ANK3: variants seen among roughly 807,000 people sequenced by gnomAD.
The protein encoded by ANK3 is ankyrin 3.
Under a neutral mutation model 370.9 loss-of-function variants are expected in ANK3, and 57 were observed. The ratio of observed to expected loss-of-function variants is 0.15; its 90% confidence interval spans 0.12 to 0.19. The LOEUF is 0.19. ANK3 is among the 10% of genes least tolerant of loss of function. ANK3 has a pLI of 1.00. For missense variants in ANK3, 4,439 were observed against 5,302.1 expected (o/e 0.84, Z 5.06); for synonymous variants, 1,929 against 1,946.3 (o/e 0.99, Z 0.23).
intron 18 of ANK3, among the ~76,000 whole-genome samples, chr10:60,177,798 C>T (rs1052998460): frequency 2.6e-5 from 4 of 151,896 alleles, no homozygotes; most frequent in African/African-American, 9.7e-5. Flanking sequence ...GACGGGGTTT[C>T]GCCGTGTTAG....
chr10:60,301,565 A>G (rs757312445), intron 1 of ANK3, among the ~76,000 whole-genome samples: 3 of 151,744 alleles, frequency 2.0e-5, no homozygotes, highest in Non-Finnish European at 2.9e-5. Flanking sequence ...AGGGCCCACC[A>G]CCATGTCTGG....
At chr10:60,521,168 A>T (rs988210506) in intron 2 of ANK3, among the ~76,000 whole-genome samples, 12 of 151,964 alleles carry the variant, frequency 7.9e-5, no homozygotes, top group African/African-American at 2.7e-4. Context: ...TAAAGAGGTT[A>T]TTTCTCTTCT....
At chr10:60,532,644 G>A (rs541420224) in intron 2 of ANK3, among the ~76,000 whole-genome samples, 48 of 152,140 alleles carry the variant, frequency 3.2e-4, no homozygotes, top group African/African-American at 1.1e-3. Context: ...ACTGGGGGTC[G>A]TGGTGATCAT....
chr10:60,226,240 CT>C (rs961546824), intron 8 of ANK3, among the ~76,000 whole-genome samples: 1 of 114,418 alleles, frequency 8.7e-6, no homozygotes, highest in African/African-American at 3.5e-5. Flanking sequence ...TGTATATATA[CT>C]ATATTATATA....
intron 1 of ANK3, among the ~76,000 whole-genome samples, chr10:60,650,732 T>C (rs1231385658): frequency 1.3e-5 from 2 of 152,162 alleles, no homozygotes; most frequent in East Asian, 3.8e-4. Flanking sequence ...ATCACAACTT[T>C]GTTATTCTCC....
Position 60,399,931 on chromosome 10 carries a change from A to T in ANK3, c.97-120292T>A, listed in dbSNP as rs1034603009. On this transcript the variant is annotated intron_variant, in intron 2 of 43. Coordinates refer to the ANK3 transcript ENST00000373827. ...CTGGGCATTACCGAGTGTCCGTTGCATTAGCCCTTTTCTAGATGAAAATTA... is the reference window on the plus strand; with the variant it reads ...CTGGGCATTACCGAGTGTCCGTTGCTTTAGCCCTTTTCTAGATGAAAATTA... Among the ~76,000 whole-genome samples, 19 of 152,112 alleles carry T rather than the reference A, an allele frequency of 1.2e-4. 1 individual carries two copies. The highest frequency in any genetic ancestry group is 7.2e-4 in the Admixed American group (11 of 15,260).
intron 1 of ANK3, among the ~76,000 whole-genome samples, chr10:60,299,417 C>T (rs1289206507): frequency 6.6e-6 from 1 of 152,148 alleles, no homozygotes; most frequent in East Asian, 1.9e-4. Context: ...GAACAAGCAA[C>T]AATGTCCTCA....
Position 60,055,693 on chromosome 10 carries a change from G to A in ANK3, c.13030C>T (p.His4344Tyr), listed in dbSNP as rs748449445. 14 of 1,613,032 alleles carry A rather than the reference G, an allele frequency of 8.7e-6. No homozygotes were observed. Among genetic ancestry groups the A allele is most frequent in the Admixed American group, 1.7e-5 (1 of 59,698 alleles). Residue 4344 changes from histidine to tyrosine, a missense_variant, in exon 42 of 44, where the codon CAT (histidine) becomes TAT (tyrosine). Physicochemically the swap from His to Tyr is moderately conservative, Grantham distance 83 (BLOSUM62 2). This residue lies in a region of ANK3 where 242 missense variants were observed against 228.0 expected (regional missense o/e 1.06). Transcript: ENST00000280772. ...GACCCACTGGACCCCTCTTCTTCAT[G>A]GAGGCTAAGCCTTGGCTTGCCATCT... ...PADGKPRLSL[H>Y]EEEGSSGSEQ...
intron 2 of ANK3, among the ~76,000 whole-genome samples, chr10:60,605,985 T>C (rs1033353189): frequency 6.6e-6 from 1 of 152,166 alleles, no homozygotes; most frequent in Non-Finnish European, 1.5e-5. Context: ...CTTCAAATTA[T>C]CAGTCGAAAG....
In ANK3 at chr10:60,026,756, T is replaced by C. The variant is rs758072095; in HGVS notation, c.*3090A>G. ...AGTATTGAAATAATACTGCATAGTGTATTGCCATAATTTGGCAATACAGTG... is the reference window on the plus strand; with the variant it reads ...AGTATTGAAATAATACTGCATAGTGCATTGCCATAATTTGGCAATACAGTG... On this transcript the variant is annotated 3_prime_UTR_variant, in exon 44 of 44. Coordinates refer to ENST00000280772, the MANE Select transcript of ANK3 (RefSeq NM_020987.5). 3.3e-5 allele frequency: 5 copies of C among 152,234 alleles called. No individual in the cohort carries two copies. Among genetic ancestry groups the C allele is most frequent in the African/African-American group, 4.8e-5 (2 of 41,460 alleles). The allele number at this position is 152,234 out of a possible 1,614,324, so 9.4% of individuals were successfully genotyped here. A position where few individuals can be genotyped will look rare whatever the true frequency, so the allele number is the denominator to read the frequency against.
intron 36 of ANK3, 33 bp from the exon 37 acceptor site, chr10:60,076,481 C>CA: frequency 6.6e-7 from 1 of 1,519,992 alleles, no homozygotes; most frequent in Non-Finnish European, 8.8e-7. Context: ...AAATCAAACA[C>CA]AAAAATCAAC....
At chr10:60,534,616 T>A (rs1301417537) in intron 2 of ANK3, among the ~76,000 whole-genome samples, 3 of 152,084 alleles carry the variant, frequency 2.0e-5, no homozygotes, top group Non-Finnish European at 4.4e-5. Flanking sequence ...CTAAATTTCC[T>A]CCAGGATATA....
In ANK3 at chr10:60,082,651, A is replaced by G. The variant is rs751374864; in HGVS notation, c.4287T>C (p.Val1429=). Residue 1429 remains valine (V), a synonymous_variant, in exon 34 of 44, where the codon GTT becomes GTC. Transcript: ENST00000280772. ...CTGGCAGAGTGATATTTAAGTTGCA[A>G]ACCGCTGTTTGAGGCAGTCCTTTTG... ...KTTKGLPQTA[V]CNLNITLPAH... is the part of the protein sequence containing the mutation. 5.0e-6 allele frequency: 8 copies of G among 1,614,100 alleles called. No homozygotes were observed. The East Asian group carries it at 1.3e-4, about 27-fold the overall frequency.
chr10:60,607,089 C>T (rs1454158150), intron 2 of ANK3, among the ~76,000 whole-genome samples: 2 of 152,108 alleles, frequency 1.3e-5, no homozygotes, highest in Admixed American at 6.6e-5. Context: ...TAAGAAAAGG[C>T]TTATTTAATC....
chr10:60,413,054 T>A (rs934821529), intron 2 of ANK3, among the ~76,000 whole-genome samples: 2 of 152,204 alleles, frequency 1.3e-5, no homozygotes, highest in African/African-American at 4.8e-5. Flanking sequence ...AAACCTGACT[T>A]TACAAAACTG....
At chr10:60,184,184 G>A (rs2096269133) in intron 17 of ANK3, among the ~76,000 whole-genome samples, 1 of 152,094 alleles carries the variant, frequency 6.6e-6, no homozygotes, top group South Asian at 2.1e-4. Flanking sequence ...TTATTTTTTA[G>A]CAAGGAAATA....
intron 1 of ANK3, among the ~76,000 whole-genome samples, chr10:60,343,869 G>A (rs538461501): frequency 7.2e-5 from 11 of 152,300 alleles, no homozygotes; most frequent in Admixed American, 3.3e-4. Flanking sequence ...TGGCTGATGC[G>A]GGGCTGGAGA....
At chr10:60,108,763 T>G in intron 27 of ANK3, 67 bp downstream of exon 27, 6 of 1,383,370 alleles carry the variant, frequency 4.3e-6, no homozygotes, top group Middle Eastern at 3.7e-4. Context: ...CTCCTTGAGT[T>G]AACAAGGGTA....
intron 1 of ANK3, among the ~76,000 whole-genome samples, chr10:60,726,642 T>C (rs1218292893): frequency 6.6e-6 from 1 of 152,148 alleles, no homozygotes; most frequent in African/African-American, 2.4e-5. Context: ...ATGGTTTTGT[T>C]TTTGTTTTTT....
Sources: gnomAD v4.1 joint callset for allele counts (sites outside exome capture counted in the v4.1 genomes callset) on GRCh38, gnomAD v4.1.1 for gene constraint, gnomAD v4.1.1 regional missense constraint, MANE v1.5 for transcripts, NCBI Gene and HGNC (gene_info 2026-07-23, HGNC 2026-07-21) for gene names.